Variants in UBE2R2 observed in about 807,000 individuals in gnomAD.
UBE2R2 encodes ubiquitin-conjugating enzyme E2 R2.
UBE2R2 carries 1 observed loss-of-function variant against 27.8 expected under a neutral mutation model. That is an observed-to-expected ratio of 0.04 (90% CI 0.01 to 0.17). The LOEUF is 0.17. UBE2R2 is among the 10% of genes least tolerant of loss of function. The probability of loss-of-function intolerance (pLI) is 1.00; values close to 1 mark genes in which losing one functional copy is unlikely to be tolerated. For missense variants in UBE2R2, 100 were observed against 291.0 expected (o/e 0.34, Z 4.78); for synonymous variants, 106 against 113.3 (o/e 0.94, Z 0.41).
At chr9:33,915,117 G>A (rs186393922) in intron 4 of UBE2R2, among the ~76,000 whole-genome samples, 1 of 148,720 alleles carries the variant, frequency 6.7e-6, no homozygotes, top group African/African-American at 2.5e-5. Context: ...GTGACAGTGG[G>A]AGACCTTGTC....
At chr9:33,843,783 G>GT (rs1411908006) in intron 1 of UBE2R2, among the ~76,000 whole-genome samples, 1 of 152,112 alleles carries the variant, frequency 6.6e-6, no homozygotes, top group African/African-American at 2.4e-5. Context: ...CCTACTTCTT[G>GT]TTTTAACTTT....
At chr9:33,856,886 CACTTT>C (rs1821116728) in intron 1 of UBE2R2, among the ~76,000 whole-genome samples, 2 of 117,534 alleles carry the variant, frequency 1.7e-5, no homozygotes, top group African/African-American at 3.0e-5. Context: ...TCCTTCCTTT[CACTTT>C]TTTTTTTTTT....
At chr9:33,859,846 G>A (rs1400006818) in intron 1 of UBE2R2, among the ~76,000 whole-genome samples, 3 of 149,714 alleles carry the variant, frequency 2.0e-5, no homozygotes, top group East Asian at 2.1e-4. Context: ...CTATGACCAG[G>A]CTGGAGTGCA....
intron 3 of UBE2R2, among the ~76,000 whole-genome samples, 154 bp downstream of exon 3, chr9:33,900,425 T>C (rs1315127346): frequency 6.6e-6 from 1 of 152,230 alleles, no homozygotes; most frequent in African/African-American, 2.4e-5. Context: ...GAAATATGTA[T>C]GCGTCATTTT....
At position 33,918,313 on chromosome 9, in the gene UBE2R2, C is replaced by G. The variant is rs147258539; in HGVS notation, c.*1076C>G. On this transcript the variant is annotated 3_prime_UTR_variant, in exon 5 of 5. Coordinates refer to ENST00000263228, the MANE Select transcript of UBE2R2 (RefSeq NM_017811.4). ...CATGTGTTAAGATTTCGGTTTTCAT[C>G]GAGCTGCTTATACTGATAGTGAAAA... The G allele has an allele frequency of 7.2e-4, 110 of 152,064 alleles. No individual in the cohort carries two copies. The highest frequency in any genetic ancestry group is 2.5e-3 in the African/African-American group (104 of 41,450). 9.4% of individuals were successfully genotyped at this position (152,064 alleles called of 1,614,324 possible). A position where few individuals can be genotyped will look rare whatever the true frequency, so the allele number is the denominator to read the frequency against.
At chr9:33,872,018 C>T (rs1216921827) in intron 1 of UBE2R2, among the ~76,000 whole-genome samples, 5 of 152,002 alleles carry the variant, frequency 3.3e-5, no homozygotes, top group African/African-American at 1.2e-4. Flanking sequence ...GGCCTATTTC[C>T]TGTATTTCTT....
intron 1 of UBE2R2, among the ~76,000 whole-genome samples, chr9:33,843,142 G>A (rs1344629980): frequency 6.8e-6 from 1 of 147,434 alleles, no homozygotes; most frequent in Non-Finnish European, 1.5e-5. Flanking sequence ...CCACCTCCTG[G>A]GGGTGAAGCG....
intron 1 of UBE2R2, among the ~76,000 whole-genome samples, chr9:33,839,118 G>A (rs927519134): frequency 6.6e-6 from 1 of 151,592 alleles, no homozygotes; most frequent in Non-Finnish European, 1.5e-5. Context: ...GTCTGAATGT[G>A]TATCCCCAAA....
At chr9:33,850,898 T>A (rs1820951747) in intron 1 of UBE2R2, among the ~76,000 whole-genome samples, 1 of 152,216 alleles carries the variant, frequency 6.6e-6, no homozygotes, top group Admixed American at 6.5e-5. Flanking sequence ...ACACTTCAGG[T>A]GAGCCCTGCC....
rs1009950406 is a variant in UBE2R2 at position 33,918,711 on chromosome 9, G to A, written c.*1474G>A. Reference sequence around the variant, plus strand: ...ATAATGTAAAATCAGATTTCAGAAGGAAAATGCAGCAAGGACTGACTGTAG... The same window carrying A: ...ATAATGTAAAATCAGATTTCAGAAGAAAAATGCAGCAAGGACTGACTGTAG... On this transcript the variant is annotated 3_prime_UTR_variant, in exon 5 of 5. Coordinates refer to ENST00000263228, the MANE Select transcript of UBE2R2 (RefSeq NM_017811.4). The A allele has an allele frequency of 6.6e-6, 1 of 152,604 alleles. No homozygotes were observed. The highest frequency in any genetic ancestry group is 1.5e-5 in the Non-Finnish European group (1 of 68,044). 9.5% of individuals were successfully genotyped at this position (152,604 alleles called of 1,614,324 possible).
At position 33,851,145 on chromosome 9, in the gene UBE2R2, G is replaced by A. The variant is rs189117647; in HGVS notation, c.177+33211G>A. Among the ~76,000 whole-genome samples the A allele has an allele frequency of 1.9e-3, 287 of 152,126 alleles. 2 individuals carry two copies. Among genetic ancestry groups the A allele is most frequent in the African/African-American group, 6.5e-3 (268 of 41,510 alleles). ...GTAGTATGTTTGTTCGTATCCTTTG[G>A]TAGGCACTCTTTTTAAAAACAATTA... On this transcript the variant is annotated intron_variant, in intron 1 of 4. Transcript: ENST00000263228.
chr9:33,878,378 G>T (rs72727303), intron 1 of UBE2R2, among the ~76,000 whole-genome samples: 11,993 of 152,178 alleles, frequency 0.079, 681 homozygotes, highest in Non-Finnish European at 0.12. Context: ...CATTTAGAGA[G>T]GCTGAGGCAG....
chr9:33,891,136 G>A (rs1259464479), intron 2 of UBE2R2, among the ~76,000 whole-genome samples: 5 of 146,788 alleles, frequency 3.4e-5, no homozygotes, highest in South Asian at 2.2e-4. Flanking sequence ...TGCAACCTCC[G>A]CCTCCCGGGT....
chr9:33,829,223 T>C (rs1000933224), intron 1 of UBE2R2, among the ~76,000 whole-genome samples: 1 of 152,172 alleles, frequency 6.6e-6, no homozygotes, highest in Non-Finnish European at 1.5e-5. Flanking sequence ...TCTGGACTAC[T>C]TGAATAAGAG....
chr9:33,890,545 C>T (rs1467542177), intron 2 of UBE2R2, among the ~76,000 whole-genome samples: 1 of 151,328 alleles, frequency 6.6e-6, no homozygotes, highest in Non-Finnish European at 1.5e-5. Flanking sequence ...GGCTCGGTGG[C>T]TCACGCCTGT....
At chr9:33,896,913 G>A (rs894356350) in intron 2 of UBE2R2, among the ~76,000 whole-genome samples, 17 of 144,950 alleles carry the variant, frequency 1.2e-4, no homozygotes, top group Non-Finnish European at 2.2e-4. Flanking sequence ...ATGCAAATCT[G>A]TTGAGTTCAT....
chr9:33,850,543 T>G (rs1820943462), intron 1 of UBE2R2, among the ~76,000 whole-genome samples: 1 of 152,186 alleles, frequency 6.6e-6, no homozygotes, highest in Admixed American at 6.5e-5. Flanking sequence ...ATCTGTGTCC[T>G]TATGGCTGAT....
At chr9:33,893,264 GTC>G (rs1195675797) in intron 2 of UBE2R2, among the ~76,000 whole-genome samples, 1 of 152,112 alleles carries the variant, frequency 6.6e-6, no homozygotes, top group East Asian at 1.9e-4. Context: ...CTCATCTGCT[GTC>G]TCTATAGATT....
chr9:33,822,540 C>T (rs1471289133), intron 1 of UBE2R2, among the ~76,000 whole-genome samples: 4 of 151,602 alleles, frequency 2.6e-5, no homozygotes, highest in African/African-American at 4.9e-5. Context: ...GATCCTCTTG[C>T]CTCACCCTCC....
Sources: allele counts gnomAD v4.1 joint callset (sites outside exome capture counted in the v4.1 genomes callset), GRCh38; gene constraint gnomAD v4.1.1; transcripts MANE v1.5; gene names NCBI Gene and HGNC (gene_info 2026-07-23, HGNC 2026-07-21).